Variants in PLEKHA8 observed in about 807,000 individuals in gnomAD.
PLEKHA8 encodes pleckstrin homology domain containing A8.
PLEKHA8 carries 36 observed loss-of-function variants against 68.2 expected under a neutral mutation model. The observed-to-expected ratio is 0.53, with a 90% confidence interval of 0.40 to 0.70. PLEKHA8 has a LOEUF of 0.70. PLEKHA8 is among the 30% of genes least tolerant of loss of function. The pLI is 0.00. For synonymous variants in PLEKHA8, 211 were observed against 216.1 expected, an observed-to-expected ratio of 0.98 and a Z score of 0.20; for missense variants, 505 against 615.4, an observed-to-expected ratio of 0.82 and a Z score of 1.90.
At chr7:30,041,139 G>C (rs1016584200) in intron 1 of PLEKHA8, among the ~76,000 whole-genome samples, 1 of 152,162 alleles carries the variant, frequency 6.6e-6, no homozygotes, top group African/African-American at 2.4e-5. Flanking sequence ...AAAGACCAGT[G>C]TGTCCTAATA....
At chr7:30,048,850 A>G (rs1445702083) in intron 4 of PLEKHA8, among the ~76,000 whole-genome samples, 3 of 148,076 alleles carry the variant, frequency 2.0e-5, no homozygotes, top group African/African-American at 5.0e-5. Flanking sequence ...GGGGAGGGGG[A>G]GGGAAGATGA....
chr7:30,114,324 T>G (rs1290809251), intron 13 of PLEKHA8, among the ~76,000 whole-genome samples: 1 of 152,240 alleles, frequency 6.6e-6, no homozygotes, highest in African/African-American at 2.4e-5. Context: ...ATAGATACCA[T>G]TAGTATACCT....
intron 13 of PLEKHA8, among the ~76,000 whole-genome samples, chr7:30,115,505 T>C (rs567749841): frequency 6.8e-6 from 1 of 147,324 alleles, no homozygotes; most frequent in Admixed American, 6.7e-5. Context: ...TATGTATACA[T>C]ATGTACACAT....
chr7:30,031,918 T>G (rs913061495), intron 1 of PLEKHA8, among the ~76,000 whole-genome samples: 4 of 152,096 alleles, frequency 2.6e-5, no homozygotes, highest in African/African-American at 9.7e-5. Context: ...AGAAGTCTCT[T>G]CCCTTAAATG....
At chr7:30,047,556 A>G (rs1438484238) in intron 3 of PLEKHA8, among the ~76,000 whole-genome samples, 2 of 152,300 alleles carry the variant, frequency 1.3e-5, no homozygotes, top group East Asian at 1.9e-4. Context: ...GGGTCAGACT[A>G]TATTGTCTCC....
intron 13 of PLEKHA8, chr7:30,115,795 T>C (rs1471345920): frequency 3.4e-5 from 5 of 145,880 alleles, no homozygotes; most frequent in South Asian, 2.1e-4. Context: ...TACGTGCACA[T>C]ACATGTATAC....
At chr7:30,120,941 C>A (rs1423257529) in intron 13 of PLEKHA8, among the ~76,000 whole-genome samples, 1 of 152,192 alleles carries the variant, frequency 6.6e-6, no homozygotes, top group East Asian at 1.9e-4. Context: ...AGAAGGCCAA[C>A]CCATGGTTGC....
intron 12 of PLEKHA8, among the ~76,000 whole-genome samples, chr7:30,071,582 A>G (rs895921246): frequency 6.6e-6 from 1 of 152,352 alleles, no homozygotes; most frequent in South Asian, 2.1e-4. Context: ...TGGCTCTTCT[A>G]TAAACCATCA....
At chr7:30,105,311 T>TA (rs59891172) in intron 13 of PLEKHA8, among the ~76,000 whole-genome samples, 2,340 of 53,752 alleles carry the variant, frequency 0.044, 171 homozygotes, top group East Asian at 0.059. Context: ...TCTCTATAAT[T>TA]AAAAAAAAAA....
At position 30,078,828 on chromosome 7, in the gene PLEKHA8, C is replaced by G; in HGVS notation, c.*41C>G. On this transcript the variant is annotated 3_prime_UTR_variant, in exon 14 of 14. Transcript: ENST00000449726. ...ACCTCCTAACTTCAGGGAATAAGTGCTAAAGTGTTTTGTTGCCCTACTTAA... is the reference window on the plus strand; with the variant it reads ...ACCTCCTAACTTCAGGGAATAAGTGGTAAAGTGTTTTGTTGCCCTACTTAA... The G allele has an allele frequency of 6.3e-7, 1 of 1,592,884 alleles. No individual in the cohort carries two copies. The highest frequency in any genetic ancestry group is 8.6e-7 in the Non-Finnish European group (1 of 1,168,690).
chr7:30,124,285 C>T (rs1796739017), intron 13 of PLEKHA8, among the ~76,000 whole-genome samples: 1 of 152,048 alleles, frequency 6.6e-6, no homozygotes, highest in African/African-American at 2.4e-5. Context: ...TGAAAATCTT[C>T]AAAATATTTA....
At chr7:30,123,825 A>G (rs569884432) in intron 13 of PLEKHA8, among the ~76,000 whole-genome samples, 279 of 152,332 alleles carry the variant, frequency 1.8e-3, no homozygotes, top group African/African-American at 6.4e-3. Context: ...AAGTTATCCA[A>G]TTCCTGAACT....
intron 9 of PLEKHA8, among the ~76,000 whole-genome samples, chr7:30,058,570 A>G (rs566279227): frequency 2.0e-5 from 3 of 151,810 alleles, no homozygotes; most frequent in Non-Finnish European, 4.4e-5. Context: ...TCTGTCAAAA[A>G]CCAATTGAAC....
intron 13 of PLEKHA8, among the ~76,000 whole-genome samples, chr7:30,120,457 C>T (rs1220200946): frequency 3.3e-5 from 5 of 152,208 alleles, no homozygotes; most frequent in Admixed American, 3.3e-4. Context: ...AAACTAACAC[C>T]TGTAAAGGAA....
At position 30,081,697 on chromosome 7, in the gene PLEKHA8, G is replaced by A. The variant is rs1008323317; in HGVS notation, c.*2910G>A. 8 of 985,156 alleles carry A rather than the reference G, an allele frequency of 8.1e-6. No individual in the cohort carries two copies. Among genetic ancestry groups the A allele is most frequent in the Non-Finnish European group, 9.6e-6 (8 of 829,842 alleles). 61.0% of individuals were successfully genotyped at this position (985,156 alleles called of 1,614,324 possible). On this transcript the variant is annotated 3_prime_UTR_variant, in exon 14 of 14. Transcript: ENST00000449726. ...GCATTTTTAGGATTATTTTTCTAGC[G>A]TAACCTTTAGAGAGAACTGGAAGAA...
chr7:30,038,910 T>TA (rs76370104), intron 1 of PLEKHA8, among the ~76,000 whole-genome samples: 62 of 140,072 alleles, frequency 4.4e-4, no homozygotes, highest in East Asian at 1.0e-3. Flanking sequence ...GTTGGGAAAT[T>TA]AAAAAAAAAA....
At position 30,083,588 on chromosome 7, in the gene PLEKHA8, A is replaced by T; in HGVS notation, c.*4801A>T. The T allele has an allele frequency of 1.0e-6, 1 of 985,416 alleles. No homozygotes were observed. The highest frequency in any genetic ancestry group is 1.2e-6 in the Non-Finnish European group (1 of 829,924). The allele number at this position is 985,416 out of a possible 1,614,324, so 61.0% of individuals were successfully genotyped here. ...TAACAGTGCCTCTCTGGTACAGTTGATGCATGCATTGATCTTTCTTCTCTG... is the reference window on the plus strand; with the variant it reads ...TAACAGTGCCTCTCTGGTACAGTTGTTGCATGCATTGATCTTTCTTCTCTG... On this transcript the variant is annotated 3_prime_UTR_variant, in exon 14 of 14. Coordinates refer to ENST00000449726, the MANE Select transcript of PLEKHA8 (RefSeq NM_001197026.2).
chr7:30,112,993 T>C (rs1796320720), intron 13 of PLEKHA8, among the ~76,000 whole-genome samples: 1 of 152,178 alleles, frequency 6.6e-6, no homozygotes, highest in Admixed American at 6.5e-5. Flanking sequence ...ACAAATAACC[T>C]TAGAACATTT....
At chr7:30,056,285 T>TCTCTCC (rs1431425908) in intron 9 of PLEKHA8, among the ~76,000 whole-genome samples, 2 of 67,328 alleles carry the variant, frequency 3.0e-5, no homozygotes, top group African/African-American at 4.7e-5. Context: ...ATATTCTCTC[T>TCTCTCC]CTCTCTCTCT....
Sources: allele counts gnomAD v4.1 joint callset (sites outside exome capture counted in the v4.1 genomes callset), GRCh38; gene constraint gnomAD v4.1.1; transcripts MANE v1.5; gene names NCBI Gene and HGNC (gene_info 2026-07-23, HGNC 2026-07-21).